Variants in TUBGCP4 observed in about 807,000 individuals in gnomAD.
TUBGCP4 encodes the protein gamma-tubulin complex component 4.
TUBGCP4 carries 54 observed loss-of-function variants against 91.6 expected under a neutral mutation model. That is an observed-to-expected ratio of 0.59 (90% confidence interval 0.47 to 0.74). The LOEUF (loss-of-function observed/expected upper bound fraction) is 0.74. Ranked by LOEUF, TUBGCP4 falls within the 30% of genes least tolerant of loss-of-function variation. The probability of loss-of-function intolerance (pLI) is 0.00; values close to 1 mark genes in which losing one functional copy is unlikely to be tolerated. For missense variants in TUBGCP4, 593 were observed against 800.9 expected, an observed-to-expected ratio of 0.74 and a Z score of 3.13; for synonymous variants, 297 against 302.8, an observed-to-expected ratio of 0.98 and a Z score of 0.20.
Position 43,371,344 on chromosome 15 carries a change from C to A in TUBGCP4, c.-11C>A. 1.2e-6 allele frequency: 2 copies of A among 1,613,422 alleles called. No individual in the cohort carries two copies. ...GGTGACATAACCAGGGACTCGAGGTCCGCCGTGGGAATGATCCACGAACTG... is the reference window on the plus strand; with the variant it reads ...GGTGACATAACCAGGGACTCGAGGTACGCCGTGGGAATGATCCACGAACTG... On this transcript the variant is annotated 5_prime_UTR_variant, in exon 1 of 18. Transcript: ENST00000564079.
rs759034574 is a variant in TUBGCP4 at position 43,408,983 on chromosome 15, A to G, written c.*3769A>G. On this transcript the variant is annotated 3_prime_UTR_variant, in exon 18 of 18. Coordinates refer to ENST00000564079, the MANE Select transcript of TUBGCP4 (RefSeq NM_014444.5). ...TCTGGAGCTGGTTGGCATGGCAACTATCATGGACCCAGACATGAGACACAC... is the reference window on the plus strand; with the variant it reads ...TCTGGAGCTGGTTGGCATGGCAACTGTCATGGACCCAGACATGAGACACAC... The G allele has an allele frequency of 1.9e-6, 3 of 1,614,208 alleles. No individual in the cohort carries two copies. In the South Asian group the frequency reaches 3.3e-5, roughly 18 times the overall value.
At chr15:43,391,021 T>G (rs2044458140) in intron 9 of TUBGCP4, among the ~76,000 whole-genome samples, 1 of 151,840 alleles carries the variant, frequency 6.6e-6, no homozygotes, top group African/African-American at 2.4e-5. Context: ...CTTCTTTTTT[T>G]TTTTGAGACA....
In TUBGCP4 at chr15:43,398,103, G is replaced by T; in HGVS notation, c.1342G>T (p.Gly448Cys). The change falls in exon 13 of 18, where the codon GGC becomes TGC. Residue 448 changes from glycine to cysteine, a missense_variant. By Grantham distance (159) the Gly-to-Cys change is radical. Coordinates refer to ENST00000564079, the MANE Select transcript of TUBGCP4 (RefSeq NM_014444.5). Reference sequence around the variant, plus strand: ...TTCTCCCCGGGAAGCCCCTGCATCTGGCTGGGCAGCCCTAGGTCTTTCCTA... The same window carrying T: ...TTCTCCCCGGGAAGCCCCTGCATCTTGCTGGGCAGCCCTAGGTCTTTCCTA... ...ETSPREAPASGWAALGLSYKV... is the reference protein window; with the variant it reads ...ETSPREAPASCWAALGLSYKV... 6.2e-7 allele frequency: 1 copy of T among 1,614,108 alleles called. No homozygotes were observed. Among genetic ancestry groups the T allele is most frequent in the Non-Finnish European group, 8.5e-7 (1 of 1,179,994 alleles).
At position 43,383,286 on chromosome 15, in the gene TUBGCP4, C is replaced by T. The variant is rs1247047976; in HGVS notation, c.522-17C>T. 6.2e-7 allele frequency: 1 copy of T among 1,607,034 alleles called. No homozygotes were observed. The highest frequency in any genetic ancestry group is 2.2e-5 in the East Asian group (1 of 44,678). ...TAAAGCATGACTTCTGAGCCTCTTA[C>T]TTTCTACTCTGCCCAGAATCCTGGC... is the stretch of plus-strand genomic sequence containing the variant. On this transcript the variant is annotated splice_polypyrimidine_tract_variant and intron_variant, in intron 6 of 17. Transcript: ENST00000564079.
rs1458080299 is a variant in TUBGCP4 at position 43,377,886 on chromosome 15, C to T, written c.424C>T (p.Gln142Ter). The T allele has an allele frequency of 1.2e-6, 2 of 1,605,866 alleles. No individual in the cohort carries two copies. Among genetic ancestry groups the T allele is most frequent in the South Asian group, 1.1e-5 (1 of 88,806 alleles). The change falls in exon 5 of 18, where the codon CAA becomes TAA. Residue 142 changes from glutamine (Q) to a stop codon, truncating the protein, a stop_gained. Coordinates refer to ENST00000564079, the MANE Select transcript of TUBGCP4 (RefSeq NM_014444.5). LOFTEE classifies it high-confidence loss of function. ...LFPSVMVVVE[Q>*]IKSQKIHGCQ... Reference sequence around the variant, plus strand: ...TCCCTCTGTGATGGTTGTAGTAGAACAAATTAAAAGTCAAAAGGTGAGAAC... The same window carrying T: ...TCCCTCTGTGATGGTTGTAGTAGAATAAATTAAAAGTCAAAAGGTGAGAAC...
chr15:43,398,353 C>A, intron 13 of TUBGCP4, 174 bp downstream of exon 13: 1 of 601,420 alleles, frequency 1.7e-6, no homozygotes, highest in East Asian at 3.0e-5. Flanking sequence ...CAAATCCATC[C>A]TGGGCAACAT....
In TUBGCP4 at chr15:43,408,607, C is replaced by G; in HGVS notation, c.*3393C>G. On this transcript the variant is annotated 3_prime_UTR_variant, in exon 18 of 18. Coordinates refer to ENST00000564079, the MANE Select transcript of TUBGCP4 (RefSeq NM_014444.5). ...GGGGCTGAGAATAATCCAAATCATG[C>G]TCCTGAGCCTATATATTTTTAATGC... 2.6e-6 allele frequency: 1 copy of G among 385,446 alleles called. No homozygotes were observed. Among genetic ancestry groups the G allele is most frequent in the South Asian group, 3.2e-5 (1 of 30,948 alleles). The allele number at this position is 385,446 out of a possible 1,614,324, so 23.9% of individuals were successfully genotyped here.
rs769564489 is a variant in TUBGCP4, at chr15:43,404,531, A to G, written c.1967A>G (p.Gln656Arg). The change falls in exon 17 of 18, where the codon CAG becomes CGG. Residue 656 changes from glutamine (Q) to arginine (R), a missense_variant. Physicochemically the swap from Gln to Arg is conservative, Grantham distance 43 (BLOSUM62 1). Coordinates refer to ENST00000564079, the MANE Select transcript of TUBGCP4 (RefSeq NM_014444.5). ...CTAGATTATAACAAATACTATACCC[A>G]GGCTGGTGGAACTCTGGGCAGGTAG... ...LRLDYNKYYTQAGGTLGSFGM is the reference protein window; with the variant it reads ...LRLDYNKYYTRAGGTLGSFGM The G allele has an allele frequency of 6.2e-7, 1 of 1,614,182 alleles. No homozygotes were observed. The highest frequency in any genetic ancestry group is 8.5e-7 in the Non-Finnish European group (1 of 1,180,018).
At position 43,380,175 on chromosome 15, in the gene TUBGCP4, C is replaced by T; in HGVS notation, c.521+12C>T. On this transcript the variant is annotated intron_variant, in intron 6 of 17. Transcript: ENST00000564079. ...AGTGCACTGGAAAAGTAAGTCATGG[C>T]TTAACTGGGAATTGGTGGTGGAGGT... is the stretch of plus-strand genomic sequence containing the variant. 2 of 1,611,410 alleles carry T rather than the reference C, an allele frequency of 1.2e-6. No homozygotes were observed. The highest frequency in any genetic ancestry group is 1.7e-6 in the Non-Finnish European group (2 of 1,177,746).
In TUBGCP4 at chr15:43,408,650, C is replaced by G. The variant is rs1029649866; in HGVS notation, c.*3436C>G. 2.1e-6 allele frequency: 1 copy of G among 487,110 alleles called. No individual in the cohort carries two copies. The highest frequency in any genetic ancestry group is 1.9e-5 in the African/African-American group (1 of 52,010). The allele number at this position is 487,110 out of a possible 1,614,324, so 30.2% of individuals were successfully genotyped here. A position where few individuals can be genotyped will look rare whatever the true frequency, so the allele number is the denominator to read the frequency against. ...TTTAATGCTTGCTTAAAACTTAGTT[C>G]TCTGACTTTACAGGTTGAGAATATT... On this transcript the variant is annotated 3_prime_UTR_variant, in exon 18 of 18. Transcript: ENST00000564079.
Position 43,377,870 on chromosome 15 carries a change from G to A in TUBGCP4, c.408G>A (p.Val136=). ...LDQFQLLFPS[V]MVVVEQIKSQ... ...AGTTCCAGCTTCTTTTTCCCTCTGT[G>A]ATGGTTGTAGTAGAACAAATTAAAA... is the stretch of plus-strand genomic sequence containing the variant. The change falls in exon 5 of 18, where the codon GTG becomes GTA. Residue 136 remains valine (V), a synonymous_variant. Coordinates refer to ENST00000564079, the MANE Select transcript of TUBGCP4 (RefSeq NM_014444.5). 2 of 1,607,522 alleles carry A rather than the reference G, an allele frequency of 1.2e-6. No homozygotes were observed. The highest frequency in any genetic ancestry group is 1.7e-6 in the Non-Finnish European group (2 of 1,178,356).
intron 14 of TUBGCP4, 76 bp downstream of exon 14, chr15:43,400,297 G>A: frequency 5.9e-6 from 7 of 1,196,292 alleles, no homozygotes; most frequent in Non-Finnish European, 8.2e-6. Context: ...ATTGAATAGG[G>A]ACTACAAGTT....
At chr15:43,385,563 G>T in intron 7 of TUBGCP4, 1 of 537,318 alleles carries the variant, frequency 1.9e-6, no homozygotes, top group Non-Finnish European at 3.3e-6. Flanking sequence ...GGCAGAGTGA[G>T]GGCCCAAATC....
chr15:43,395,249 C>A, intron 10 of TUBGCP4, 92 bp downstream of exon 10: 1 of 1,397,710 alleles, frequency 7.2e-7, no homozygotes, highest in Non-Finnish European at 1.0e-6. Flanking sequence ...GTTGCCTATA[C>A]CCAGACTTCC....
At position 43,406,785 on chromosome 15, in the gene TUBGCP4, G is replaced by A; in HGVS notation, c.*1571G>A. ...CTTGTGCTTCCCATGTTTATCTTACGGAAGGTCATTCCATCAAGCTTATGG... is the reference window on the plus strand; with the variant it reads ...CTTGTGCTTCCCATGTTTATCTTACAGAAGGTCATTCCATCAAGCTTATGG... On this transcript the variant is annotated 3_prime_UTR_variant, in exon 18 of 18. Transcript: ENST00000564079. 5 of 351,868 alleles carry A rather than the reference G, an allele frequency of 1.4e-5. No individual in the cohort carries two copies. Among genetic ancestry groups the A allele is most frequent in the South Asian group, 2.4e-5 (1 of 42,284 alleles). 21.8% of individuals were successfully genotyped at this position (351,868 alleles called of 1,614,324 possible).
In TUBGCP4 at chr15:43,371,297, C is replaced by T; in HGVS notation, c.-58C>T. 1.3e-6 allele frequency: 2 copies of T among 1,568,140 alleles called. No individual in the cohort carries two copies. Among genetic ancestry groups the T allele is most frequent in the South Asian group, 2.3e-5 (2 of 87,248 alleles). ...GGGGAAGCACTCCCCTCGTGGTCGC[C>T]TGGAGGTGCGCTGGAGGAGGGGGTG... is the stretch of plus-strand genomic sequence containing the variant. On this transcript the variant is annotated 5_prime_UTR_variant, in exon 1 of 18. Transcript: ENST00000564079.
chr15:43,373,713 A>G lies in TUBGCP4; in HGVS notation c.78+2281A>G, dbSNP rs576326206. Among the ~76,000 whole-genome samples, 542 of 150,336 alleles carry G rather than the reference A, an allele frequency of 3.6e-3. 3 individuals carry two copies. The highest frequency in any genetic ancestry group is 0.013 in the African/African-American group (511 of 40,676). On this transcript the variant is annotated intron_variant, in intron 1 of 17. Transcript: ENST00000564079. ...GCCCAGGCTGGAGTGCAGTGGTGCA[A>G]TCTCGGCTCACTGCAAGCTCCACCT...
At chr15:43,389,349 T>C (rs1372380600) in intron 9 of TUBGCP4, among the ~76,000 whole-genome samples, 2 of 152,204 alleles carry the variant, frequency 1.3e-5, no homozygotes, top group Admixed American at 6.5e-5. Context: ...TTGTTCTAAG[T>C]AGATGATCAT....
chr15:43,385,996 CTCT>C (rs1418294130), intron 8 of TUBGCP4, 40 bp downstream of exon 8: 3 of 1,607,162 alleles, frequency 1.9e-6, no homozygotes, highest in South Asian at 2.2e-5. Context: ...CCCTCAAAAT[CTCT>C]TCTTCCTTAA....
Sources: allele counts gnomAD v4.1 joint callset (sites outside exome capture counted in the v4.1 genomes callset), GRCh38; gene constraint gnomAD v4.1.1; transcripts MANE v1.5; gene names NCBI Gene and HGNC (gene_info 2026-07-23, HGNC 2026-07-21).